Variants in EPC1 observed in about 807,000 individuals in gnomAD.
EPC1 encodes enhancer of polycomb 1.
Under a neutral mutation model 98.4 loss-of-function variants are expected in EPC1, and 12 were observed. The ratio of observed to expected loss-of-function variants is 0.12; its 90% CI spans 0.08 to 0.20. EPC1 has a LOEUF of 0.20. Among genes scored for constraint, EPC1 ranks in the 10% least tolerant of loss-of-function variants. The pLI is 1.00. For synonymous variants in EPC1, 357 were observed against 363.9 expected, an observed-to-expected ratio of 0.98 and a Z score of 0.21; for missense variants, 729 against 990.5, an observed-to-expected ratio of 0.74 and a Z score of 3.54.
intron 1 of EPC1, among the ~76,000 whole-genome samples, chr10:32,324,467 C>T (rs1334820973): frequency 6.6e-6 from 1 of 150,560 alleles, no homozygotes; most frequent in Admixed American, 6.6e-5. Context: ...AGATGCCAGG[C>T]TGCAGTGAGC....
intron 1 of EPC1, among the ~76,000 whole-genome samples, chr10:32,328,192 C>T (rs16933256): frequency 0.051 from 7,793 of 152,118 alleles, 633 homozygotes; most frequent in African/African-American, 0.17. Flanking sequence ...AACATCTGAA[C>T]GGGTTAAAGA....
chr10:32,348,916 T>C (rs1384375443), upstream of EPC1, among the ~76,000 whole-genome samples: 1 of 152,162 alleles, frequency 6.6e-6, no homozygotes. Context: ...AGAGATGATA[T>C]CTGAGTAAAA....
intron 2 of EPC1, among the ~76,000 whole-genome samples, chr10:32,300,434 C>CTT (rs775966421): frequency 6.5e-5 from 9 of 138,902 alleles, no homozygotes; most frequent in Admixed American, 1.5e-4. Context: ...CAATTCAACT[C>CTT]TTTTTTTTTT....
intron 1 of EPC1, among the ~76,000 whole-genome samples, chr10:32,346,129 C>G (rs2133062441): frequency 6.6e-6 from 1 of 152,352 alleles, no homozygotes; most frequent in South Asian, 2.1e-4. Flanking sequence ...CGGGCAAACA[C>G]GCTGCACCCT....
At chr10:32,370,888 A>G (rs1021637150) in intron 1 of EPC1, among the ~76,000 whole-genome samples, 4 of 152,214 alleles carry the variant, frequency 2.6e-5, no homozygotes, top group African/African-American at 9.6e-5. Context: ...TGAGTCTACT[A>G]TTAAATAGAT....
rs185156915 is a variant in EPC1 at position 32,311,170 on chromosome 10, G to A, written c.154-5239C>T. On this transcript the variant is annotated intron_variant, in intron 1 of 13. Coordinates refer to ENST00000319778, the MANE Select transcript of EPC1 (RefSeq NM_001272004.3). Reference sequence around the variant, plus strand: ...CTAAAAATACAAAAAAAAATTAGCCGGGTGTGGTGGTGGGCGCCTGTAGTC... The same window carrying A: ...CTAAAAATACAAAAAAAAATTAGCCAGGTGTGGTGGTGGGCGCCTGTAGTC... 6.8e-3 allele frequency among the ~76,000 whole-genome samples: 1,030 copies of A among 151,948 alleles called. 15 individuals are homozygous for A. Among genetic ancestry groups the A allele is most frequent in the African/African-American group, 0.022 (906 of 41,434 alleles).
intron 1 of EPC1, among the ~76,000 whole-genome samples, chr10:32,357,325 A>T (rs1839308015): frequency 6.6e-6 from 1 of 152,254 alleles, no homozygotes; most frequent in African/African-American, 2.4e-5. Context: ...GACGCATAAG[A>T]CAAAAAATAA....
chr10:32,352,436 A>G (rs1378076632), intron 1 of EPC1, among the ~76,000 whole-genome samples: 6 of 152,216 alleles, frequency 3.9e-5, no homozygotes, highest in Non-Finnish European at 7.4e-5. Context: ...TTTGGACACT[A>G]AGTAAAACAA....
intron 2 of EPC1, among the ~76,000 whole-genome samples, chr10:32,298,722 G>A (rs564955633): frequency 6.6e-6 from 1 of 152,264 alleles, no homozygotes; most frequent in South Asian, 2.1e-4. Context: ...GAGCGAAAAT[G>A]GTGAATATTA....
chr10:32,374,523 G>C (rs1352867204), intron 1 of EPC1: 1 of 152,080 alleles, frequency 6.6e-6, no homozygotes, highest in African/African-American at 2.4e-5. Context: ...GCAACCATCT[G>C]TAGCATCTAT....
intron 2 of EPC1, among the ~76,000 whole-genome samples, chr10:32,303,496 A>G (rs539208646): frequency 6.6e-6 from 1 of 152,376 alleles, no homozygotes; most frequent in Non-Finnish European, 1.5e-5. Flanking sequence ...CGAACTATTC[A>G]TATATCCAAC....
intron 1 of EPC1, among the ~76,000 whole-genome samples, chr10:32,336,498 C>A (rs1837984405): frequency 6.6e-6 from 1 of 152,154 alleles, no homozygotes; most frequent in Non-Finnish European, 1.5e-5. Flanking sequence ...CCCAAGTGAG[C>A]TGACTGGTCT....
At position 32,365,488 on chromosome 10, in the gene EPC1, T is replaced by C. The variant is rs1480486335; in HGVS notation, c.3+13003A>G. Among the ~76,000 whole-genome samples, 3 of 152,068 alleles carry C rather than the reference T, an allele frequency of 2.0e-5. No homozygotes were observed. In the East Asian group the frequency reaches 5.8e-4, roughly 29 times the overall value. On this transcript the variant is annotated intron_variant, in intron 1 of 13. Transcript: ENST00000375110. ...CAATAACAGTCGCACTCTAACCACT[T>C]TCACAATTTGAAACATATGATGGAA... is the stretch of plus-strand genomic sequence containing the variant.
intron 1 of EPC1, among the ~76,000 whole-genome samples, chr10:32,352,865 T>C (rs1052334306): frequency 1.3e-5 from 2 of 152,040 alleles, no homozygotes; most frequent in African/African-American, 2.4e-5. Flanking sequence ...GTATCCCTAG[T>C]ATCTATCTGG....
At chr10:32,349,909 T>C (rs1336059119), upstream of EPC1, among the ~76,000 whole-genome samples, 2 of 152,210 alleles carry the variant, frequency 1.3e-5, no homozygotes, top group Non-Finnish European at 2.9e-5. Context: ...CCCATGCCTC[T>C]TTTTTATGCA....
chr10:32,357,824 T>C (rs1839321303), intron 1 of EPC1, among the ~76,000 whole-genome samples: 1 of 151,952 alleles, frequency 6.6e-6, no homozygotes, highest in South Asian at 2.1e-4. Context: ...TAATACAGTT[T>C]ATTCTGTTTT....
intron 6 of EPC1, among the ~76,000 whole-genome samples, chr10:32,288,507 C>T (rs1255649294): frequency 3.3e-5 from 5 of 151,604 alleles, no homozygotes; most frequent in African/African-American, 9.7e-5. Flanking sequence ...CAGCAATTTG[C>T]GCTCGCTAAT....
At chr10:32,306,552 T>G (rs1835886374) in intron 1 of EPC1, among the ~76,000 whole-genome samples, 1 of 152,114 alleles carries the variant, frequency 6.6e-6, no homozygotes, top group Non-Finnish European at 1.5e-5. Context: ...GCTGTCTGAT[T>G]AGAACCCAAC....
At chr10:32,306,857 A>AC (rs1835901515) in intron 1 of EPC1, among the ~76,000 whole-genome samples, 2 of 149,644 alleles carry the variant, frequency 1.3e-5, no homozygotes, top group African/African-American at 4.9e-5. Flanking sequence ...ATTAAATTCA[A>AC]ACACACACAC....
Sources: gnomAD v4.1 joint callset for allele counts (sites outside exome capture counted in the v4.1 genomes callset) on GRCh38, gnomAD v4.1.1 for gene constraint, MANE v1.5 for transcripts, NCBI Gene and HGNC (gene_info 2026-07-23, HGNC 2026-07-21) for gene names.